The following SP4 variants were observed in gnomAD, a reference collection of about 807,000 sequenced individuals.
SP4 encodes transcription factor Sp4.
In SP4, 19 loss-of-function variants were observed where a neutral mutation model predicts 72.8. The ratio of observed to expected loss-of-function variants is 0.26; its 90% CI spans 0.18 to 0.38. The LOEUF is 0.38. SP4 is among the 10% of genes least tolerant of loss of function. The pLI, the probability that SP4 is intolerant of heterozygous loss-of-function variation, is 1.00. For synonymous variants in SP4, 395 were observed against 333.1 expected (o/e 1.19, Z -2.02); for missense variants, 1,008 against 926.3 (o/e 1.09, Z -1.14).
At chr7:21,509,369 T>C (rs1374832019) in intron 5 of SP4, among the ~76,000 whole-genome samples, 1 of 152,204 alleles carries the variant, frequency 6.6e-6, no homozygotes, top group Non-Finnish European at 1.5e-5. Context: ...AAGTATTTTA[T>C]TTTTGTGTAG....
chr7:21,451,274 T>C (rs1783592012), intron 3 of SP4, among the ~76,000 whole-genome samples: 1 of 152,212 alleles, frequency 6.6e-6, no homozygotes, highest in African/African-American at 2.4e-5. Flanking sequence ...GATTGCCAGC[T>C]TCAGGTGTTT....
intron 3 of SP4, among the ~76,000 whole-genome samples, chr7:21,475,367 G>A (rs574896504): frequency 9.6e-4 from 146 of 152,130 alleles, no homozygotes; most frequent in African/African-American, 3.3e-3. Context: ...ACCTGCCTCA[G>A]CCTCCAAAAG....
At chr7:21,444,748 A>G (rs1010828216) in intron 3 of SP4, among the ~76,000 whole-genome samples, 1 of 152,200 alleles carries the variant, frequency 6.6e-6, no homozygotes, top group Non-Finnish European at 1.5e-5. Context: ...AACCAAGGCT[A>G]TCAGAGGTTA....
intron 3 of SP4, among the ~76,000 whole-genome samples, chr7:21,475,183 C>T (rs889578757): frequency 3.3e-5 from 5 of 150,520 alleles, no homozygotes; most frequent in East Asian, 2.0e-4. Flanking sequence ...GGCACAATTT[C>T]GGCTCACTGA....
intron 3 of SP4, among the ~76,000 whole-genome samples, chr7:21,471,899 A>G (rs1784356687): frequency 6.6e-6 from 1 of 152,212 alleles, no homozygotes; most frequent in Non-Finnish European, 1.5e-5. Flanking sequence ...TATGGAAAAC[A>G]TCCAGTAAAG....
intron 3 of SP4, among the ~76,000 whole-genome samples, chr7:21,475,610 C>A (rs1207604976): frequency 6.6e-6 from 1 of 150,974 alleles, no homozygotes; most frequent in Non-Finnish European, 1.5e-5. Flanking sequence ...ACTACAGGCG[C>A]CCGCCACCAC....
intron 3 of SP4, among the ~76,000 whole-genome samples, chr7:21,456,488 C>G (rs1425036449): frequency 6.6e-6 from 1 of 152,180 alleles, no homozygotes. Context: ...TATCCATCCA[C>G]AAGGGAGCCC....
chr7:21,507,222 G>A (rs1782022007), intron 5 of SP4, among the ~76,000 whole-genome samples: 1 of 152,162 alleles, frequency 6.6e-6, no homozygotes, highest in African/African-American at 2.4e-5. Flanking sequence ...ATACTTGCAA[G>A]AGGAGCATTT....
intron 4 of SP4, among the ~76,000 whole-genome samples, chr7:21,479,997 T>A (rs1784634867): frequency 6.6e-6 from 1 of 152,102 alleles, no homozygotes; most frequent in Non-Finnish European, 1.5e-5. Context: ...TTTGTTTGTT[T>A]GTTTGTTTGT....
At chr7:21,499,446 CAG>C (rs1554301188) in intron 5 of SP4, among the ~76,000 whole-genome samples, 4 of 152,132 alleles carry the variant, frequency 2.6e-5, no homozygotes, top group African/African-American at 7.2e-5. Context: ...GGAGAAGACA[CAG>C]GGGAAAAGTC....
intron 3 of SP4, among the ~76,000 whole-genome samples, chr7:21,439,797 C>T (rs759424945): frequency 3.3e-5 from 5 of 152,140 alleles, no homozygotes; most frequent in Non-Finnish European, 7.4e-5. Context: ...ACTCAGGTGG[C>T]TGAGGCAGGA....
chr7:21,429,207 C>A (rs1169012425), intron 2 of SP4, 82 bp from the exon 3 acceptor site: 8 of 701,160 alleles, frequency 1.1e-5, no homozygotes, highest in Admixed American at 5.7e-5. Context: ...AAATAAGTAA[C>A]CCCCTGGCAA....
chr7:21,466,700 A>C (rs938070350), intron 3 of SP4, among the ~76,000 whole-genome samples: 2 of 152,222 alleles, frequency 1.3e-5, no homozygotes, highest in African/African-American at 4.8e-5. Flanking sequence ...TTTCATTTAT[A>C]GTTCATCTAC....
intron 3 of SP4, among the ~76,000 whole-genome samples, chr7:21,446,615 A>T (rs1783435395): frequency 6.6e-6 from 1 of 152,090 alleles, no homozygotes; most frequent in South Asian, 2.1e-4. Context: ...TAGTGTTAGG[A>T]TTCTATAGGT....
intron 5 of SP4, among the ~76,000 whole-genome samples, chr7:21,497,616 A>G (rs1781752281): frequency 6.6e-6 from 1 of 152,178 alleles, no homozygotes; most frequent in Non-Finnish European, 1.5e-5. Flanking sequence ...CTGAAGCATC[A>G]TAAGGATTAG....
At chr7:21,457,714 G>T (rs1160627115) in intron 3 of SP4, among the ~76,000 whole-genome samples, 2 of 151,970 alleles carry the variant, frequency 1.3e-5, no homozygotes, top group Admixed American at 6.6e-5. Context: ...AAATCCCCCA[G>T]TGTGACAAAG....
chr7:21,483,780 CTTCT>C (rs1393082437), intron 5 of SP4, among the ~76,000 whole-genome samples: 1 of 151,532 alleles, frequency 6.6e-6, no homozygotes, highest in Non-Finnish European at 1.5e-5. Context: ...GGCAATTTTC[CTTCT>C]TTCTTTATTT....
chr7:21,458,308 C>G (rs1249548693), intron 3 of SP4, among the ~76,000 whole-genome samples: 4 of 151,980 alleles, frequency 2.6e-5, no homozygotes, highest in African/African-American at 9.7e-5. Context: ...TTCTTCCGCC[C>G]CAGCCTCCCG....
At chr7:21,457,156 A>G (rs1213069507) in intron 3 of SP4, among the ~76,000 whole-genome samples, 1 of 152,202 alleles carries the variant, frequency 6.6e-6, no homozygotes, top group Non-Finnish European at 1.5e-5. Flanking sequence ...TATTGAGTAA[A>G]GCATTTAGCA....
Sources: gnomAD v4.1 joint callset for allele counts (sites outside exome capture counted in the v4.1 genomes callset) on GRCh38, gnomAD v4.1.1 for gene constraint, MANE v1.5 for transcripts, NCBI Gene and HGNC (gene_info 2026-07-23, HGNC 2026-07-21) for gene names.